Variants in CPXM2 observed in about 807,000 individuals in gnomAD.
CPXM2 encodes the protein carboxypeptidase X, M14 family member 2, also known as inactive carboxypeptidase-like protein X2.
CPXM2 carries 66 observed loss-of-function variants against 86.1 expected under a neutral mutation model. The ratio of observed to expected loss-of-function variants is 0.77; its 90% CI spans 0.63 to 0.94. The LOEUF is 0.94. CPXM2 is among the 40% of genes least tolerant of loss of function. CPXM2 has a pLI of 0.00. For synonymous variants in CPXM2, 388 were observed against 400.2 expected (o/e 0.97, Z 0.36); for missense variants, 948 against 1,026.3 (o/e 0.92, Z 1.04).
intron 2 of CPXM2, among the ~76,000 whole-genome samples, chr10:123,930,034 T>C (rs1042330184): frequency 2.0e-5 from 3 of 152,228 alleles, no homozygotes; most frequent in African/African-American, 7.2e-5. Flanking sequence ...GGGCCATCTC[T>C]GTCCCCTGAA....
chr10:123,896,768 T>C (rs1354906001), upstream of CPXM2, among the ~76,000 whole-genome samples: 1 of 152,202 alleles, frequency 6.6e-6, no homozygotes, highest in African/African-American at 2.4e-5. Context: ...GAACGCAGGA[T>C]ACACCGGAGC....
At chr10:123,789,725 G>A (rs528375353) in intron 6 of CPXM2, among the ~76,000 whole-genome samples, 57 of 152,302 alleles carry the variant, frequency 3.7e-4, no homozygotes, top group African/African-American at 1.3e-3. Context: ...AGGGGAAGGG[G>A]TTCTTATTCC....
intron 2 of CPXM2, among the ~76,000 whole-genome samples, chr10:123,870,035 A>G (rs1018773265): frequency 6.6e-6 from 1 of 152,108 alleles, no homozygotes; most frequent in African/African-American, 2.4e-5. Flanking sequence ...TTAAAAGTGT[A>G]GTGATTTGGG....
chr10:123,883,185 A>G lies in CPXM2; in HGVS notation c.305-2876T>C, dbSNP rs116603484. Among the ~76,000 whole-genome samples the G allele has an allele frequency of 1.0e-2, 1,519 of 152,360 alleles. 21 individuals carry two copies. The highest frequency in any genetic ancestry group is 0.034 in the African/African-American group (1,408 of 41,590). ...CAGGCGAAGGTCCTACTACACTGACAGTGTGACTCCCCTGGCAGGGGGATG... is the reference window on the plus strand; with the variant it reads ...CAGGCGAAGGTCCTACTACACTGACGGTGTGACTCCCCTGGCAGGGGGATG... On this transcript the variant is annotated intron_variant, in intron 1 of 13. Coordinates refer to ENST00000241305, the MANE Select transcript of CPXM2 (RefSeq NM_198148.3).
chr10:123,883,979 C>T (rs962514134), intron 1 of CPXM2, among the ~76,000 whole-genome samples: 1 of 152,126 alleles, frequency 6.6e-6, no homozygotes, highest in Admixed American at 6.6e-5. Flanking sequence ...ACTGAATTGC[C>T]AATGTGGGCC....
At chr10:123,803,462 A>AT (rs1439794246) in intron 4 of CPXM2, among the ~76,000 whole-genome samples, 1 of 151,286 alleles carries the variant, frequency 6.6e-6, no homozygotes, top group Non-Finnish European at 1.5e-5. Context: ...AATCTTAGCC[A>AT]TTTTTTTCTT....
Position 123,891,521 on chromosome 10 carries a change from A to T in CPXM2, c.139T>A (p.Tyr47Asn). Residue 47 changes from tyrosine to asparagine, a missense_variant, in exon 1 of 14, where the codon TAC becomes AAC. Tyr to Asn is a moderately radical substitution (Grantham distance 143). Transcript: ENST00000241305. This position sits in a 1 kb window ranked among gnomAD's most constrained non-coding sequence, Gnocchi z 5.6. The part of the protein sequence containing the change: ...GQEIWSREPY[Y>N]ARPEPELETF... ...TCGAGCTCGGGCTCCGGGCGCGCGT[A>T]GTAGGGCTCCCGGCTCCAGATCTCC... 1 of 1,548,716 alleles carries T rather than the reference A, an allele frequency of 6.5e-7. No individual in the cohort carries two copies. Among genetic ancestry groups the T allele is most frequent in the Non-Finnish European group, 8.7e-7 (1 of 1,145,734 alleles).
At chr10:123,820,467 G>A (rs1169455956) in intron 4 of CPXM2, among the ~76,000 whole-genome samples, 2 of 152,198 alleles carry the variant, frequency 1.3e-5, no homozygotes, top group African/African-American at 4.8e-5. Context: ...CCCACTTTGG[G>A]CTTTATGCTT....
At chr10:123,923,599 T>C (rs984814467) in intron 2 of CPXM2, among the ~76,000 whole-genome samples, 1 of 149,586 alleles carries the variant, frequency 6.7e-6, no homozygotes, top group African/African-American at 2.4e-5. Context: ...AAAAAAGAAA[T>C]AAACATTCTT....
intron 4 of CPXM2, among the ~76,000 whole-genome samples, chr10:123,828,169 T>G (rs1244039847): frequency 6.7e-6 from 1 of 149,360 alleles, no homozygotes; most frequent in Admixed American, 6.6e-5. Context: ...AGACCTCACC[T>G]CAAAAAAAAG....
chr10:123,831,370 A>G (rs1219493445), intron 4 of CPXM2, among the ~76,000 whole-genome samples: 1 of 152,222 alleles, frequency 6.6e-6, no homozygotes, highest in Non-Finnish European at 1.5e-5. Context: ...TCCAGTGTTG[A>G]GCAGGCACTG....
rs1335471653 is a variant in CPXM2, at chr10:123,842,717, C to T, written c.514-229G>A. ...TCAATATACCATGTCCTCTTTTTGCCCAGTGTGAAAGATGAAATTTAATGA... is the reference window on the plus strand; with the variant it reads ...TCAATATACCATGTCCTCTTTTTGCTCAGTGTGAAAGATGAAATTTAATGA... On this transcript the variant is annotated intron_variant, in intron 3 of 13. Transcript: ENST00000241305. 2.6e-5 allele frequency among the ~76,000 whole-genome samples: 4 copies of T among 152,168 alleles called. No individual in the cohort carries two copies. In the East Asian group the frequency reaches 7.7e-4, roughly 29 times the overall value.
intron 2 of CPXM2, among the ~76,000 whole-genome samples, chr10:123,925,237 G>A (rs765553522): frequency 1.3e-4 from 20 of 152,148 alleles, no homozygotes; most frequent in Non-Finnish European, 2.4e-4. Context: ...AGAAGTTCAG[G>A]AAATTATCCA....
intron 4 of CPXM2, among the ~76,000 whole-genome samples, chr10:123,802,575 C>T (rs1847484739): frequency 6.6e-6 from 1 of 152,134 alleles, no homozygotes. Flanking sequence ...TGAGTAGTTT[C>T]CAGTTTGGAT....
intron 3 of CPXM2, among the ~76,000 whole-genome samples, chr10:123,850,444 C>A (rs1327846468): frequency 6.6e-6 from 1 of 152,142 alleles, no homozygotes; most frequent in Non-Finnish European, 1.5e-5. Context: ...AACTGCATGC[C>A]ATTCTGGGTA....
At chr10:123,930,637 C>T (rs79866368) in intron 2 of CPXM2, among the ~76,000 whole-genome samples, 9,855 of 152,290 alleles carry the variant, frequency 0.065, 690 homozygotes, top group East Asian at 0.37. Context: ...GCTAGGCAGA[C>T]CTCCAGTAAG....
chr10:123,829,489 T>C (rs913901393), intron 4 of CPXM2, among the ~76,000 whole-genome samples: 1 of 150,568 alleles, frequency 6.6e-6, no homozygotes, highest in Non-Finnish European at 1.5e-5. Context: ...AACAACAAAA[T>C]TAAACACAAA....
chr10:123,913,571 T>A (rs1271094391), intron 2 of CPXM2: 2 of 166,660 alleles, frequency 1.2e-5, no homozygotes. Context: ...GGAAGCTACG[T>A]AATAAAATTT....
upstream of CPXM2, among the ~76,000 whole-genome samples, chr10:123,943,133 C>T (rs892699303): frequency 1.1e-4 from 13 of 117,580 alleles, no homozygotes; most frequent in Non-Finnish European, 1.7e-4. Flanking sequence ...TTTCTCAAAA[C>T]ATATCCCATA....
Sources: gnomAD v4.1 joint callset for allele counts (sites outside exome capture counted in the v4.1 genomes callset) on GRCh38, gnomAD v4.1.1 for gene constraint, Gnocchi (gnomAD v3.1) non-coding constraint, MANE v1.5 for transcripts, NCBI Gene and HGNC (gene_info 2026-07-23, HGNC 2026-07-21) for gene names.